The following KIFC1 variants were observed in gnomAD, a reference collection of about 807,000 sequenced individuals.
KIFC1 encodes kinesin-like protein KIFC1.
Under a neutral mutation model 66.6 loss-of-function variants are expected in KIFC1, and 37 were observed. That is an observed-to-expected ratio of 0.56 (90% CI 0.43 to 0.73). The LOEUF (loss-of-function observed/expected upper bound fraction) is 0.73. Among genes scored for constraint, KIFC1 ranks in the 30% least tolerant of loss-of-function variants. The probability of loss-of-function intolerance (pLI) is 0.00; values close to 1 mark genes in which losing one functional copy is unlikely to be tolerated. For synonymous variants in KIFC1, 325 were observed against 343.5 expected (o/e 0.95, Z 0.60); for missense variants, 721 against 859.8 (o/e 0.84, Z 2.02).
chr6:33,409,715 G>A lies in KIFC1; in HGVS notation c.*25G>A. ...AAGACGGATCCAGATCTGTGTGTGT[G>A]TGTGTGTGTGTGTGTGTGTGTGTGT... is the stretch of plus-strand genomic sequence containing the variant. On this transcript the variant is annotated 3_prime_UTR_variant, in exon 11 of 11. Coordinates refer to ENST00000428849, the MANE Select transcript of KIFC1 (RefSeq NM_002263.4). 1 of 804,124 alleles carries A rather than the reference G, an allele frequency of 1.2e-6. No homozygotes were observed. The highest frequency in any genetic ancestry group is 1.8e-6 in the Non-Finnish European group (1 of 540,592). The allele number at this position is 804,124 out of a possible 1,614,324, so 49.8% of individuals were successfully genotyped here.
intron 10 of KIFC1, 131 bp downstream of exon 10, chr6:33,407,006 C>T (rs913013130): frequency 3.4e-6 from 5 of 1,452,476 alleles, no homozygotes; most frequent in Middle Eastern, 2.4e-4. Flanking sequence ...TGAGGCACTG[C>T]TCACCTGGTT....
chr6:33,409,545 T>C lies in KIFC1; in HGVS notation c.1978-101T>C. 2.5e-6 allele frequency: 3 copies of C among 1,209,788 alleles called. No homozygotes were observed. In the South Asian group the frequency reaches 3.7e-5, roughly 15 times the overall value. 74.9% of individuals were successfully genotyped at this position (1,209,788 alleles called of 1,614,324 possible). A position where few individuals can be genotyped will look rare whatever the true frequency, so the allele number is the denominator to read the frequency against. On this transcript the variant is annotated intron_variant, in intron 10 of 10. Coordinates refer to ENST00000428849, the MANE Select transcript of KIFC1 (RefSeq NM_002263.4). ...AGCCTTTGGAGGCCTTATTTCGGTA[T>C]TTCTGAGGGCAGCCCTAGCATTGGA...
intron 10 of KIFC1, among the ~76,000 whole-genome samples, chr6:33,408,620 C>T (rs1404141510): frequency 6.6e-6 from 1 of 152,206 alleles, no homozygotes; most frequent in Non-Finnish European, 1.5e-5. Flanking sequence ...AAGATAAATG[C>T]TGAATTATTT....
intron 1 of KIFC1, among the ~76,000 whole-genome samples, chr6:33,396,264 G>T (rs921556455): frequency 2.6e-5 from 4 of 152,146 alleles, no homozygotes; most frequent in Admixed American, 2.6e-4. Context: ...CCAGTGGCAT[G>T]TGCTTGTTGT....
chr6:33,403,249 A>T lies in KIFC1; in HGVS notation c.251-65A>T. ...AAAGCACTTCTTCTGCCCCTGTCCT[A>T]GCAAGTGTACATGCCATCTTAAGAA... On this transcript the variant is annotated intron_variant, in intron 3 of 10. Transcript: ENST00000428849. This position sits in a 1 kb window ranked among gnomAD's most constrained non-coding sequence, Gnocchi z 4.6. The T allele has an allele frequency of 1.4e-6, 2 of 1,419,782 alleles. No individual in the cohort carries two copies. 87.9% of individuals were successfully genotyped at this position (1,419,782 alleles called of 1,614,324 possible). A position where few individuals can be genotyped will look rare whatever the true frequency, so the allele number is the denominator to read the frequency against.
rs1274660739 is a variant in KIFC1 at position 33,409,803 on chromosome 6, C to G, written c.*113C>G. On this transcript the variant is annotated 3_prime_UTR_variant, in exon 11 of 11. Coordinates refer to ENST00000428849, the MANE Select transcript of KIFC1 (RefSeq NM_002263.4). Reference sequence around the variant, plus strand: ...GGGGTGGGAGGGTTGCTGGAGGGTGCTTTATTGGGTGGAGGGCACCATGTC... The same window carrying G: ...GGGGTGGGAGGGTTGCTGGAGGGTGGTTTATTGGGTGGAGGGCACCATGTC... 8.8e-7 allele frequency: 1 copy of G among 1,142,416 alleles called. No homozygotes were observed. Among genetic ancestry groups the G allele is most frequent in the Non-Finnish European group, 1.3e-6 (1 of 782,798 alleles). The allele number at this position is 1,142,416 out of a possible 1,614,324, so 70.8% of individuals were successfully genotyped here.
Position 33,396,987 on chromosome 6 carries a change from C to CTTT in KIFC1, c.13-1024_13-1022dup, listed in dbSNP as rs9282514. Reference sequence around the variant, plus strand: ...ATAAGCCACCGCGCCTGGCCAAGTTCTTTTTTTTTTTTTTTTTTTTGAGAC... The same window carrying CTTT: ...ATAAGCCACCGCGCCTGGCCAAGTTCTTTTTTTTTTTTTTTTTTTTTTTGAGAC... On this transcript the variant is annotated intron_variant, in intron 1 of 10. Transcript: ENST00000428849. Among the ~76,000 whole-genome samples the CTTT allele has an allele frequency of 7.3e-3, 654 of 89,180 alleles. 27 individuals are homozygous for CTTT. The highest frequency in any genetic ancestry group is 8.8e-3 in the Non-Finnish European group (425 of 48,464). The allele number at this position is 89,180 out of a possible 152,430, so 58.5% of individuals were successfully genotyped here.
chr6:33,403,923 G>A lies in KIFC1; in HGVS notation c.550G>A (p.Glu184Lys). 3 of 1,614,238 alleles carry A rather than the reference G, an allele frequency of 1.9e-6. No homozygotes were observed. The highest frequency in any genetic ancestry group is 2.5e-6 in the Non-Finnish European group (3 of 1,180,036). ...GCAGCAGGTCAAGGCCCTGGGGACA[G>A]AGCGCACAACACTGGAGGGGCATTT... ...AQQQVKALGT[E>K]RTTLEGHLAK... Residue 184 changes from glutamate to lysine, a missense_variant, in exon 6 of 11, where the codon GAG becomes AAG. Glu to Lys is a moderately conservative substitution (Grantham distance 56, BLOSUM62 1). Transcript: ENST00000428849. The surrounding 1 kb of genome is among the most constrained non-coding windows in gnomAD (Gnocchi z 4.6).
chr6:33,406,174 C>A lies in KIFC1; in HGVS notation c.1537-22C>A. Reference sequence around the variant, plus strand: ...GTACTGACTTCTGCCTGCCTTTTTGCCCCTTCTGCTCCCATCCCCAGGTGG... The same window carrying A: ...GTACTGACTTCTGCCTGCCTTTTTGACCCTTCTGCTCCCATCCCCAGGTGG... On this transcript the variant is annotated intron_variant, in intron 7 of 10. Coordinates refer to ENST00000428849, the MANE Select transcript of KIFC1 (RefSeq NM_002263.4). This position sits in a 1 kb window ranked among gnomAD's most constrained non-coding sequence, Gnocchi z 4.5. The A allele has an allele frequency of 6.4e-7, 1 of 1,572,866 alleles. No individual in the cohort carries two copies. Among genetic ancestry groups the A allele is most frequent in the South Asian group, 1.2e-5 (1 of 85,920 alleles).
At chr6:33,396,838 C>T (rs1426046976) in intron 1 of KIFC1, among the ~76,000 whole-genome samples, 7 of 151,928 alleles carry the variant, frequency 4.6e-5, no homozygotes, top group Admixed American at 1.3e-4. Context: ...CCTGCCACCA[C>T]GCCCGGCTAA....
chr6:33,392,075 G>A (rs1483446068), intron 1 of KIFC1, 78 bp downstream of exon 1: 2 of 1,518,972 alleles, frequency 1.3e-6, no homozygotes, highest in East Asian at 4.6e-5. Context: ...CGCGCCCCCG[G>A]CTCCCGGTCG....
intron 10 of KIFC1, among the ~76,000 whole-genome samples, chr6:33,408,674 G>A (rs1374272136): frequency 3.3e-5 from 5 of 152,148 alleles, no homozygotes; most frequent in African/African-American, 9.7e-5. Flanking sequence ...GCTTCCAAAG[G>A]TGACCAATGA....
upstream of KIFC1, chr6:33,391,568 A>C (rs114098543): frequency 9.9e-3 from 2,395 of 241,870 alleles, 26 homozygotes; most frequent in African/African-American, 0.02. Flanking sequence ...TGACGTAGCG[A>C]GCGACGGCGG....
In KIFC1 at chr6:33,403,286, C is replaced by T; in HGVS notation, c.251-28C>T. On this transcript the variant is annotated intron_variant, in intron 3 of 10. Coordinates refer to ENST00000428849, the MANE Select transcript of KIFC1 (RefSeq NM_002263.4). The surrounding 1 kb of genome is among the most constrained non-coding windows in gnomAD (Gnocchi z 4.6). ...TGCCATCTTAAGAATGATCATTCTA[C>T]CTTTGCTCTCTCCCATCTCCTGGGC... is the stretch of plus-strand genomic sequence containing the variant. 1.9e-6 allele frequency: 3 copies of T among 1,602,884 alleles called. No homozygotes were observed. The highest frequency in any genetic ancestry group is 8.5e-7 in the Non-Finnish European group (1 of 1,171,206).
rs1392860664 is a variant in KIFC1, at chr6:33,403,233, C to A, written c.251-81C>A. On this transcript the variant is annotated intron_variant, in intron 3 of 10. Transcript: ENST00000428849. This position sits in a 1 kb window ranked among gnomAD's most constrained non-coding sequence, Gnocchi z 4.6. ...ATTTCTAATTCTGAGAAAAGCACTT[C>A]TTCTGCCCCTGTCCTAGCAAGTGTA... 7 of 1,293,904 alleles carry A rather than the reference C, an allele frequency of 5.4e-6. No homozygotes were observed. The East Asian group carries it at 1.6e-4, about 30-fold the overall frequency. 80.2% of individuals were successfully genotyped at this position (1,293,904 alleles called of 1,614,324 possible).
At position 33,404,990 on chromosome 6, in the gene KIFC1, C is replaced by T. The variant is rs140068150; in HGVS notation, c.895C>T (p.Arg299Ter). ...TCATGGGCTAGAAATGGAGCGCCGGCGACTGCACAACCAGCTGCAGGAACT... is the reference window on the plus strand; with the variant it reads ...TCATGGGCTAGAAATGGAGCGCCGGTGACTGCACAACCAGCTGCAGGAACT... ...RLHGLEMERRRLHNQLQELKG... is the reference protein window; with the variant it reads ...RLHGLEMERR The change falls in exon 7 of 11, where the codon CGA becomes TGA. Residue 299 changes from arginine (R) to a stop codon, truncating the protein, a stop_gained. Coordinates refer to ENST00000428849, the MANE Select transcript of KIFC1 (RefSeq NM_002263.4). LOFTEE classifies it high-confidence loss of function. This position sits in a 1 kb window ranked among gnomAD's most constrained non-coding sequence, Gnocchi z 4.0. 6.8e-6 allele frequency: 11 copies of T among 1,614,010 alleles called. No homozygotes were observed. Among genetic ancestry groups the T allele is most frequent in the African/African-American group, 4.0e-5 (3 of 74,904 alleles).
intron 1 of KIFC1, among the ~76,000 whole-genome samples, chr6:33,397,500 G>C (rs1775117270): frequency 6.6e-6 from 1 of 151,898 alleles, no homozygotes; most frequent in Non-Finnish European, 1.5e-5. Flanking sequence ...ATTTCACCAT[G>C]TTGGTCAGGC....
Position 33,406,270 on chromosome 6 carries a change from C to T in KIFC1, c.1611C>T (p.Arg537=). ...ARTAQNERSS[R]SHSVFQLQIS... ...CAGCCCAGAATGAACGGTCATCACG[C>T]AGCCACAGTGTATTCCAGCTACAGA... Residue 537 remains arginine (R), a synonymous_variant, in exon 8 of 11, where the codon CGC becomes CGT. Transcript: ENST00000428849. The surrounding 1 kb of genome is among the most constrained non-coding windows in gnomAD (Gnocchi z 4.5). The T allele has an allele frequency of 6.2e-7, 1 of 1,614,192 alleles. No homozygotes were observed. Among genetic ancestry groups the T allele is most frequent in the Non-Finnish European group, 8.5e-7 (1 of 1,180,040 alleles).
chr6:33,406,694 C>T lies in KIFC1; in HGVS notation c.1901+29C>T. 1 of 1,612,606 alleles carries T rather than the reference C, an allele frequency of 6.2e-7. No individual in the cohort carries two copies. Among genetic ancestry groups the T allele is most frequent in the Non-Finnish European group, 8.5e-7 (1 of 1,178,708 alleles). On this transcript the variant is annotated intron_variant, in intron 9 of 10. Coordinates refer to ENST00000428849, the MANE Select transcript of KIFC1 (RefSeq NM_002263.4). The surrounding 1 kb of genome is among the most constrained non-coding windows in gnomAD (Gnocchi z 4.5). The stretch of plus-strand genomic sequence containing the variant: ...AGTGAAAGGGACAGATGGAAGGGGT[C>T]AGGTAGGAACTGTGTTGGGGTGAGG...
Sources: gnomAD v4.1 joint callset for allele counts (sites outside exome capture counted in the v4.1 genomes callset) on GRCh38, gnomAD v4.1.1 for gene constraint, Gnocchi (gnomAD v3.1) non-coding constraint, MANE v1.5 for transcripts, NCBI Gene and HGNC (gene_info 2026-07-23, HGNC 2026-07-21) for gene names.